Variants in AGBL4 observed in about 807,000 individuals in gnomAD.
The protein encoded by AGBL4 is AGBL carboxypeptidase 4, also known as cytosolic carboxypeptidase 6.
A neutral mutation model predicts 66.4 loss-of-function variants in AGBL4; 58 were observed. The observed-to-expected ratio is 0.87, with a 90% confidence interval of 0.71 to 1.09. AGBL4 has a LOEUF of 1.09. AGBL4 is among the 50% of genes least tolerant of loss of function. The pLI is 0.00. For missense variants in AGBL4, 579 were observed against 631.0 expected (o/e 0.92, Z 0.88); for synonymous variants, 234 against 222.9 (o/e 1.05, Z -0.44).
intron 1 of AGBL4, among the ~76,000 whole-genome samples, chr1:49,865,735 A>C (rs1646683719): frequency 6.6e-6 from 1 of 152,212 alleles, no homozygotes; most frequent in Non-Finnish European, 1.5e-5. Context: ...CAGCAAGGAC[A>C]GAGAACTGGG....
chr1:49,577,810 T>C (rs1435390251), intron 3 of AGBL4, among the ~76,000 whole-genome samples: 4 of 152,170 alleles, frequency 2.6e-5, no homozygotes, highest in Non-Finnish European at 5.9e-5. Flanking sequence ...GAAGTCACAA[T>C]TACAATGCCA....
intron 5 of AGBL4, among the ~76,000 whole-genome samples, chr1:48,914,796 G>A (rs954316135): frequency 6.6e-6 from 1 of 152,192 alleles, no homozygotes; most frequent in Non-Finnish European, 1.5e-5. Context: ...CAAGACAAGT[G>A]TAGTGCCCAA....
At chr1:49,372,964 G>T (rs1196598626) in intron 3 of AGBL4, among the ~76,000 whole-genome samples, 7 of 151,904 alleles carry the variant, frequency 4.6e-5, no homozygotes, top group African/African-American at 1.7e-4. Context: ...TCACTATGTT[G>T]CCTAGGCTGG....
chr1:49,194,880 C>T (rs946002012), intron 4 of AGBL4, among the ~76,000 whole-genome samples: 1 of 151,786 alleles, frequency 6.6e-6, no homozygotes, highest in Non-Finnish European at 1.5e-5. Flanking sequence ...CTCTGTCTCC[C>T]AGGCTAGACT....
intron 6 of AGBL4, among the ~76,000 whole-genome samples, chr1:48,733,608 T>C (rs1448113873): frequency 1.3e-5 from 2 of 151,316 alleles, no homozygotes; most frequent in Non-Finnish European, 2.9e-5. Flanking sequence ...AGCTAAGGAG[T>C]GTGTAATGGC....
intron 1 of AGBL4, among the ~76,000 whole-genome samples, chr1:50,004,070 C>G (rs1465680133): frequency 6.6e-6 from 1 of 152,202 alleles, no homozygotes; most frequent in Non-Finnish European, 1.5e-5. Context: ...TAAGCCACTG[C>G]TCCCCCATCC....
At chr1:48,890,566 C>T (rs955250172) in intron 5 of AGBL4, among the ~76,000 whole-genome samples, 2 of 152,092 alleles carry the variant, frequency 1.3e-5, no homozygotes, top group Admixed American at 1.3e-4. Flanking sequence ...TCCTTGGAGT[C>T]AGTGATATTC....
intron 2 of AGBL4, among the ~76,000 whole-genome samples, chr1:49,754,298 T>A (rs1431653874): frequency 1.7e-5 from 2 of 121,204 alleles, no homozygotes; most frequent in Admixed American, 1.7e-4. Context: ...TTTTTAATGT[T>A]TTTTTTTTAT....
chr1:48,730,836 C>T (rs922880132), intron 6 of AGBL4, among the ~76,000 whole-genome samples: 5 of 152,122 alleles, frequency 3.3e-5, no homozygotes, highest in East Asian at 1.9e-4. Flanking sequence ...TTAACCGGAA[C>T]GCAATGCTGA....
chr1:49,297,033 A>C (rs1485078139), intron 3 of AGBL4, among the ~76,000 whole-genome samples: 1 of 152,218 alleles, frequency 6.6e-6, no homozygotes, highest in Non-Finnish European at 1.5e-5. Flanking sequence ...GCCTATGCTC[A>C]AGGCCAAAAG....
At chr1:49,606,959 C>T (rs1645073224) in intron 3 of AGBL4, among the ~76,000 whole-genome samples, 1 of 152,054 alleles carries the variant, frequency 6.6e-6, no homozygotes, top group Admixed American at 6.6e-5. Flanking sequence ...ATTTTACTGT[C>T]TCTTATCTCT....
At chr1:49,165,555 G>A (rs1646618894) in intron 4 of AGBL4, among the ~76,000 whole-genome samples, 1 of 151,648 alleles carries the variant, frequency 6.6e-6, no homozygotes, top group East Asian at 1.9e-4. Context: ...CTCCAAAATT[G>A]GAAGGGAATT....
At chr1:49,902,405 T>C (rs1649845806) in intron 1 of AGBL4, among the ~76,000 whole-genome samples, 1 of 152,202 alleles carries the variant, frequency 6.6e-6, no homozygotes, top group Non-Finnish European at 1.5e-5. Context: ...AATACATACA[T>C]GCAGCCTACA....
intron 6 of AGBL4, among the ~76,000 whole-genome samples, chr1:48,845,921 C>T (rs892764324): frequency 9.9e-5 from 15 of 152,148 alleles, no homozygotes; most frequent in Non-Finnish European, 1.5e-5. Flanking sequence ...AGAACAGTGC[C>T]TGGCATGTAG....
At chr1:48,588,108 T>C (rs1333139182) in intron 10 of AGBL4, among the ~76,000 whole-genome samples, 1 of 152,176 alleles carries the variant, frequency 6.6e-6, no homozygotes, top group Non-Finnish European at 1.5e-5. Flanking sequence ...TTCCTCTCTA[T>C]AGATGAGGAA....
intron 1 of AGBL4, among the ~76,000 whole-genome samples, chr1:49,970,741 AC>A (rs1193169735): frequency 1.8e-5 from 2 of 110,774 alleles, no homozygotes; most frequent in South Asian, 3.5e-4. Flanking sequence ...ACACACACAC[AC>A]ACACATACAC....
chr1:48,570,214 C>A (rs1644538298), intron 11 of AGBL4, among the ~76,000 whole-genome samples: 1 of 152,264 alleles, frequency 6.6e-6, no homozygotes, highest in South Asian at 2.1e-4. Context: ...CCTCAACAAT[C>A]ACCTTCCGGT....
intron 3 of AGBL4, among the ~76,000 whole-genome samples, chr1:49,339,895 T>A (rs1040242284): frequency 3.3e-5 from 5 of 152,192 alleles, no homozygotes; most frequent in Admixed American, 6.5e-5. Context: ...TTTCCTCATC[T>A]GTAAAGTGGT....
At chr1:49,134,486 CCCA>C (rs1189837840) in intron 4 of AGBL4, among the ~76,000 whole-genome samples, 4 of 97,788 alleles carry the variant, frequency 4.1e-5, no homozygotes, top group Non-Finnish European at 8.2e-5. Flanking sequence ...CCCCCCCCCC[CCCA>C]CCCCAGGAAT....
Sources: allele counts gnomAD v4.1 joint callset (sites outside exome capture counted in the v4.1 genomes callset), GRCh38; gene constraint gnomAD v4.1.1; transcripts MANE v1.5; gene names NCBI Gene and HGNC (gene_info 2026-07-23, HGNC 2026-07-21).